Variants in SETBP1 observed in about 807,000 individuals in gnomAD.
SETBP1 encodes the protein SET-binding protein.
SETBP1 carries 9 observed loss-of-function variants against 101.0 expected under a neutral mutation model. The ratio of observed to expected loss-of-function variants is 0.09; its 90% CI spans 0.05 to 0.16. SETBP1 has a LOEUF of 0.16. Ranked by LOEUF, SETBP1 falls within the 10% of genes least tolerant of loss-of-function variation. The probability of loss-of-function intolerance (pLI) is 1.00; values close to 1 mark genes in which losing one functional copy is unlikely to be tolerated. For missense variants in SETBP1, 1,858 were observed against 2,033.8 expected, an observed-to-expected ratio of 0.91 and a Z score of 1.66; for synonymous variants, 818 against 788.5, an observed-to-expected ratio of 1.04 and a Z score of -0.63.
intron 1 of SETBP1, among the ~76,000 whole-genome samples, chr18:44,691,925 A>G (rs1415104846): frequency 1.3e-5 from 2 of 152,232 alleles, no homozygotes; most frequent in African/African-American, 2.4e-5. Flanking sequence ...CAAGGCCACC[A>G]GCTCTAAATG....
intron 4 of SETBP1, among the ~76,000 whole-genome samples, chr18:44,999,828 T>G (rs910867669): frequency 1.3e-5 from 2 of 152,222 alleles, no homozygotes; most frequent in African/African-American, 2.4e-5. Context: ...TAATTGACAA[T>G]GAAACTAATA....
At chr18:44,970,621 G>A (rs1258191704) in intron 4 of SETBP1, among the ~76,000 whole-genome samples, 1 of 151,798 alleles carries the variant, frequency 6.6e-6, no homozygotes, top group African/African-American at 2.4e-5. Flanking sequence ...GGGCGATCTC[G>A]GCTTACTGCA....
At chr18:44,793,419 T>G (rs1165324590) in intron 2 of SETBP1, among the ~76,000 whole-genome samples, 1 of 152,168 alleles carries the variant, frequency 6.6e-6, no homozygotes, top group Non-Finnish European at 1.5e-5. Context: ...CCAGCCCTGG[T>G]TGACATCACT....
chr18:44,972,051 T>G (rs1212574354), intron 4 of SETBP1, among the ~76,000 whole-genome samples: 1 of 152,230 alleles, frequency 6.6e-6, no homozygotes, highest in Non-Finnish European at 1.5e-5. Context: ...TTAATTTTTG[T>G]ATAAGGTGTA....
chr18:44,730,833 T>C (rs576726748), intron 2 of SETBP1, among the ~76,000 whole-genome samples: 44 of 152,330 alleles, frequency 2.9e-4, no homozygotes, highest in African/African-American at 1.0e-3. Flanking sequence ...GTTCTAATTA[T>C]CTACTGCTGT....
chr18:44,766,836 T>G (rs1288102499), intron 2 of SETBP1, among the ~76,000 whole-genome samples: 1 of 152,178 alleles, frequency 6.6e-6, no homozygotes, highest in Non-Finnish European at 1.5e-5. Flanking sequence ...ATGATAAATT[T>G]TATCTTATGT....
At chr18:45,024,874 C>T (rs564222988) in intron 4 of SETBP1, among the ~76,000 whole-genome samples, 1 of 152,352 alleles carries the variant, frequency 6.6e-6, no homozygotes, top group East Asian at 1.9e-4. Flanking sequence ...TTCAGTAGGA[C>T]TGACTCTCTC....
chr18:44,724,679 TA>T (rs375862254), intron 2 of SETBP1, among the ~76,000 whole-genome samples: 75 of 152,194 alleles, frequency 4.9e-4, no homozygotes, highest in African/African-American at 1.8e-3. Context: ...GATGAGAAGG[TA>T]AAGCCTAGAG....
At chr18:44,759,192 G>T (rs1257532501) in intron 2 of SETBP1, among the ~76,000 whole-genome samples, 1 of 152,122 alleles carries the variant, frequency 6.6e-6, no homozygotes, top group Non-Finnish European at 1.5e-5. Flanking sequence ...CTTTTACAGG[G>T]CATGGGATGG....
Position 44,715,204 on chromosome 18 carries a change from G to A in SETBP1, c.486+13372G>A, listed in dbSNP as rs552711765. 9.2e-5 allele frequency among the ~76,000 whole-genome samples: 14 copies of A among 152,256 alleles called. No individual in the cohort carries two copies. In the South Asian group the frequency reaches 2.9e-3, roughly 32 times the overall value. ...CTGGTTGTTTCTGCTGCTTGGCCCT[G>A]GCTGTGGGTAAACTCCAGCACTGCA... On this transcript the variant is annotated intron_variant, in intron 2 of 5. Transcript: ENST00000649279.
At chr18:44,928,824 G>T (rs573457395) in intron 3 of SETBP1, among the ~76,000 whole-genome samples, 1 of 152,160 alleles carries the variant, frequency 6.6e-6, no homozygotes, top group Non-Finnish European at 1.5e-5. Flanking sequence ...TAGATTCTAG[G>T]TATTAGCCCT....
chr18:44,719,141 AATC>A (rs2144322593), intron 2 of SETBP1, among the ~76,000 whole-genome samples: 2 of 152,292 alleles, frequency 1.3e-5, no homozygotes, highest in South Asian at 4.1e-4. Context: ...AAACCTGAAA[AATC>A]ATGCATCACA....
intron 2 of SETBP1, among the ~76,000 whole-genome samples, chr18:44,836,940 C>T (rs1205644272): frequency 6.6e-6 from 1 of 152,028 alleles, no homozygotes; most frequent in African/African-American, 2.4e-5. Flanking sequence ...TTCTTTGCAA[C>T]TGTATGGGGC....
At chr18:44,885,131 G>A (rs960011632) in intron 3 of SETBP1, among the ~76,000 whole-genome samples, 8 of 152,108 alleles carry the variant, frequency 5.3e-5, no homozygotes, top group African/African-American at 9.7e-5. Flanking sequence ...TCAGAATGGC[G>A]TCTAGACCTG....
At chr18:44,839,723 A>T (rs2072577972) in intron 2 of SETBP1, among the ~76,000 whole-genome samples, 1 of 152,258 alleles carries the variant, frequency 6.6e-6, no homozygotes, top group African/African-American at 2.4e-5. Flanking sequence ...GATGAAAGAT[A>T]GATGGGATAA....
At chr18:44,825,698 A>G (rs1043121049) in intron 2 of SETBP1, among the ~76,000 whole-genome samples, 7 of 152,268 alleles carry the variant, frequency 4.6e-5, no homozygotes, top group African/African-American at 1.7e-4. Context: ...TTTATGGATG[A>G]TGCAGATTTC....
intron 3 of SETBP1, among the ~76,000 whole-genome samples, chr18:44,918,095 G>A (rs1277887143): frequency 6.6e-6 from 1 of 152,160 alleles, no homozygotes; most frequent in Non-Finnish European, 1.5e-5. Flanking sequence ...GTGCTGCCGA[G>A]CCATTCATAC....
chr18:45,030,547 C>T (rs2073273305), intron 4 of SETBP1, among the ~76,000 whole-genome samples: 1 of 146,950 alleles, frequency 6.8e-6, no homozygotes, highest in Middle Eastern at 3.2e-3. Flanking sequence ...GGGAGGATTC[C>T]CTCTTTTTCT....
intron 3 of SETBP1, among the ~76,000 whole-genome samples, chr18:44,875,323 T>A (rs191960646): frequency 6.6e-6 from 1 of 151,802 alleles, no homozygotes; most frequent in African/African-American, 2.4e-5. Context: ...GATCGAGACC[T>A]CCTGGCCAAC....
Sources: gnomAD v4.1 joint callset for allele counts (sites outside exome capture counted in the v4.1 genomes callset) on GRCh38, gnomAD v4.1.1 for gene constraint, MANE v1.5 for transcripts, NCBI Gene and HGNC (gene_info 2026-07-23, HGNC 2026-07-21) for gene names.